Variants in FGF5 observed in about 807,000 individuals in gnomAD.
The protein encoded by FGF5 is heparin-binding growth factor 5.
FGF5 carries 23 observed loss-of-function variants against 21.8 expected under a neutral mutation model. The observed-to-expected ratio is 1.05, with a 90% CI of 0.76 to 1.49. The LOEUF is 1.49. Among genes scored for constraint, FGF5 ranks in the 40% most tolerant of loss-of-function variants. The probability of loss-of-function intolerance (pLI) is 0.00; values close to 1 mark genes in which losing one functional copy is unlikely to be tolerated. For synonymous variants in FGF5, 158 were observed against 124.0 expected, an observed-to-expected ratio of 1.27 and a Z score of -1.82; for missense variants, 352 against 332.9, an observed-to-expected ratio of 1.06 and a Z score of -0.45.
At chr4:80,271,476 T>A (rs1720270462) in intron 1 of FGF5, among the ~76,000 whole-genome samples, 1 of 152,168 alleles carries the variant, frequency 6.6e-6, no homozygotes, top group African/African-American at 2.4e-5. Context: ...AATAACACAC[T>A]GTCTGTAGCA....
intron 1 of FGF5, 75 bp downstream of exon 1, chr4:80,267,254 C>G (rs1720123862): frequency 1.7e-6 from 2 of 1,212,122 alleles, no homozygotes. Context: ...AGGTATTCGC[C>G]GGGACACAGG....
In FGF5 at chr4:80,287,218, T is replaced by C. The variant is rs1458415053; in HGVS notation, c.*546T>C. On this transcript the variant is annotated 3_prime_UTR_variant, in exon 3 of 3. Coordinates refer to ENST00000312465, the MANE Select transcript of FGF5 (RefSeq NM_004464.4). ...AAATGTGTTTATAGCTCATTTGTAA[T>C]ATGGAAATCTTTTACATTTTTCCTA... 1.3e-5 allele frequency: 2 copies of C among 152,214 alleles called. No homozygotes were observed. Among genetic ancestry groups the C allele is most frequent in the African/African-American group, 2.4e-5 (1 of 41,470 alleles). The allele number at this position is 152,214 out of a possible 1,614,324, so 9.4% of individuals were successfully genotyped here. A position where few individuals can be genotyped will look rare whatever the true frequency, so the allele number is the denominator to read the frequency against.
At chr4:80,282,051 C>T (rs570055491) in intron 2 of FGF5, among the ~76,000 whole-genome samples, 10 of 152,206 alleles carry the variant, frequency 6.6e-5, no homozygotes, top group African/African-American at 2.4e-4. Flanking sequence ...CAACCTCCGC[C>T]CCCTGGGTTC....
Position 80,266,757 on chromosome 4 carries a change from C to G in FGF5, c.-68C>G. 1 of 1,348,478 alleles carries G rather than the reference C, an allele frequency of 7.4e-7. No homozygotes were observed. Among genetic ancestry groups the G allele is most frequent in the South Asian group, 1.4e-5 (1 of 71,498 alleles). The allele number at this position is 1,348,478 out of a possible 1,614,324, so 83.5% of individuals were successfully genotyped here. A position where few individuals can be genotyped will look rare whatever the true frequency, so the allele number is the denominator to read the frequency against. ...GGCGGGCAGAGCCAGAGGCACGCAG[C>G]CGCACAGGGGCTACAGAGCCCAGAA... On this transcript the variant is annotated 5_prime_UTR_variant, in exon 1 of 3. Coordinates refer to ENST00000312465, the MANE Select transcript of FGF5 (RefSeq NM_004464.4).
intron 2 of FGF5, among the ~76,000 whole-genome samples, chr4:80,277,674 A>G (rs1398928969): frequency 6.6e-6 from 1 of 152,120 alleles, no homozygotes; most frequent in African/African-American, 2.4e-5. Context: ...AAACTCATAG[A>G]CTTTTAGGAT....
At chr4:80,273,367 C>G (rs1720324164) in intron 1 of FGF5, among the ~76,000 whole-genome samples, 1 of 152,006 alleles carries the variant, frequency 6.6e-6, no homozygotes, top group Non-Finnish European at 1.5e-5. Flanking sequence ...CATAAACTTT[C>G]TAATCAAGTT....
At chr4:80,268,959 T>G (rs1720193699) in intron 1 of FGF5, among the ~76,000 whole-genome samples, 1 of 152,254 alleles carries the variant, frequency 6.6e-6, no homozygotes, top group Non-Finnish European at 1.5e-5. Flanking sequence ...CATTCGTCCT[T>G]CTCATTTTGT....
At chr4:80,270,628 T>C (rs1391767748) in intron 1 of FGF5, among the ~76,000 whole-genome samples, 7 of 152,224 alleles carry the variant, frequency 4.6e-5, no homozygotes, top group African/African-American at 1.7e-4. Context: ...AACTATTGCA[T>C]GGAAACAAAT....
rs34567621 is a variant in FGF5, at chr4:80,284,453, AAAC to A, written c.460-1851_460-1849del. On this transcript the variant is annotated intron_variant, in intron 2 of 2. Transcript: ENST00000312465. ...TGTCTCAAAAACAACAACAATAACA[AAAC>A]AACAACAACAACAACAACAAAGAAA... Among the ~76,000 whole-genome samples, 662 of 151,934 alleles carry A rather than the reference AAAC, an allele frequency of 4.4e-3. 7 individuals are homozygous for A. The highest frequency in any genetic ancestry group is 0.015 in the African/African-American group (603 of 41,454).
In FGF5 at chr4:80,286,809, A is replaced by G. The variant is rs3733336; in HGVS notation, c.*137A>G. ...TATTGAAGTCACGTCATTTGTTTCAATGTGACTGAAACAAAATGTTTTTTG... is the reference window on the plus strand; with the variant it reads ...TATTGAAGTCACGTCATTTGTTTCAGTGTGACTGAAACAAAATGTTTTTTG... On this transcript the variant is annotated 3_prime_UTR_variant, in exon 3 of 3. Coordinates refer to ENST00000312465, the MANE Select transcript of FGF5 (RefSeq NM_004464.4). 0.34 allele frequency: 221,491 copies of G among 657,840 alleles called. 38,008 individuals are homozygous for G. Among genetic ancestry groups the G allele is most frequent in the Admixed American group, 0.36 (12,351 of 34,180 alleles). 40.8% of individuals were successfully genotyped at this position (657,840 alleles called of 1,614,324 possible). A position where few individuals can be genotyped will look rare whatever the true frequency, so the allele number is the denominator to read the frequency against.
chr4:80,270,931 T>C (rs1720254994), intron 1 of FGF5, among the ~76,000 whole-genome samples: 1 of 152,254 alleles, frequency 6.6e-6, no homozygotes, highest in Admixed American at 6.5e-5. Flanking sequence ...CTATATCTAC[T>C]ATGCAGAAAA....
intron 2 of FGF5, among the ~76,000 whole-genome samples, chr4:80,282,751 CTT>C (rs1321345413): frequency 6.6e-6 from 1 of 152,038 alleles, no homozygotes; most frequent in African/African-American, 2.4e-5. Context: ...ACTTCATACT[CTT>C]TAACTATAGA....
Position 80,289,665 on chromosome 4 carries a change from TGTA to T in FGF5, c.*2997_*2999del, listed in dbSNP as rs1180151342. On this transcript the variant is annotated 3_prime_UTR_variant, in exon 3 of 3. Transcript: ENST00000312465. ...AGATAAATAGAAATTTTCAATAAGA[TGTA>T]GTAACACTGTGATTTATCTTTCAAG... 6.6e-6 allele frequency: 1 copy of T among 151,600 alleles called. No individual in the cohort carries two copies. The highest frequency in any genetic ancestry group is 1.5e-5 in the Non-Finnish European group (1 of 68,004). The allele number at this position is 151,600 out of a possible 1,614,324, so 9.4% of individuals were successfully genotyped here. A position where few individuals can be genotyped will look rare whatever the true frequency, so the allele number is the denominator to read the frequency against.
chr4:80,267,940 C>CGTAT (rs1720144516), intron 1 of FGF5, among the ~76,000 whole-genome samples: 1 of 152,118 alleles, frequency 6.6e-6, no homozygotes, highest in Admixed American at 6.5e-5. Flanking sequence ...ATGACTACAC[C>CGTAT]GTATTAGGAG....
chr4:80,281,874 A>G (rs1431311036), intron 2 of FGF5, among the ~76,000 whole-genome samples: 1 of 152,180 alleles, frequency 6.6e-6, no homozygotes, highest in Non-Finnish European at 1.5e-5. Context: ...TTTGAATTCA[A>G]TTTGACCGTT....
intron 2 of FGF5, among the ~76,000 whole-genome samples, chr4:80,285,180 C>T (rs1720673779): frequency 1.3e-5 from 2 of 152,098 alleles, no homozygotes; most frequent in African/African-American, 4.8e-5. Context: ...ACTCCAAGTT[C>T]ACACTCTTCC....
intron 2 of FGF5, among the ~76,000 whole-genome samples, chr4:80,283,945 C>T (rs540520336): frequency 6.6e-6 from 1 of 152,004 alleles, no homozygotes; most frequent in Non-Finnish European, 1.5e-5. Flanking sequence ...ATGGGAAAAC[C>T]ATTTTAAGAG....
At chr4:80,276,207 C>A (rs764080462) in intron 2 of FGF5, among the ~76,000 whole-genome samples, 1 of 151,794 alleles carries the variant, frequency 6.6e-6, no homozygotes, top group African/African-American at 2.4e-5. Context: ...TATAAGTGCT[C>A]AATAAATATT....
intron 1 of FGF5, among the ~76,000 whole-genome samples, chr4:80,268,105 C>A (rs1720150491): frequency 6.6e-6 from 1 of 152,222 alleles, no homozygotes; most frequent in Non-Finnish European, 1.5e-5. Flanking sequence ...TCAGCACGCT[C>A]TCTTTTTTCC....
Sources: gnomAD v4.1 joint callset for allele counts (sites outside exome capture counted in the v4.1 genomes callset) on GRCh38, gnomAD v4.1.1 for gene constraint, MANE v1.5 for transcripts, NCBI Gene and HGNC (gene_info 2026-07-23, HGNC 2026-07-21) for gene names.